Variants in ANOS1 observed in about 807,000 individuals in gnomAD.
ANOS1 encodes anosmin 1.
ANOS1 carries 6 observed loss-of-function variants against 59.0 expected under a neutral mutation model. The ratio of observed to expected loss-of-function variants is 0.10; its 90% CI spans 0.06 to 0.20. The LOEUF is 0.20. Among genes scored for constraint, ANOS1 ranks in the 10% least tolerant of loss-of-function variants. The pLI, the probability that ANOS1 is intolerant of heterozygous loss-of-function variation, is 1.00. For synonymous variants in ANOS1, 217 were observed against 223.4 expected (o/e 0.97, Z 0.25); for missense variants, 433 against 542.3 (o/e 0.80, Z 2.00).
intron 2 of ANOS1, among the ~76,000 whole-genome samples, chrX:8,634,251 T>C (rs757417120): frequency 4.5e-5 from 5 of 110,614 alleles, no homozygotes; most frequent in East Asian, 5.7e-4. Flanking sequence ...TGATTATAAG[T>C]GTATGTGTGT....
chrX:8,670,754 G>A (rs1932241483), intron 2 of ANOS1, among the ~76,000 whole-genome samples: 1 of 111,313 alleles, frequency 9.0e-6, no homozygotes, highest in Non-Finnish European at 1.9e-5. Flanking sequence ...AATCTCACAG[G>A]CTTAAACTTA....
chrX:8,673,297 T>G (rs1056347809), intron 2 of ANOS1, among the ~76,000 whole-genome samples: 4 of 106,920 alleles, frequency 3.7e-5, no homozygotes, highest in Admixed American at 1.1e-4. Flanking sequence ...GCTATTTTCT[T>G]TGCTTACTGA....
At chrX:8,619,412 T>G (rs1255329046) in intron 3 of ANOS1, among the ~76,000 whole-genome samples, 1 of 111,322 alleles carries the variant, frequency 9.0e-6, no homozygotes, top group Non-Finnish European at 1.9e-5. Flanking sequence ...GAGACCATCC[T>G]GGCCAACATG....
chrX:8,635,895 G>A (rs185520890), intron 2 of ANOS1, among the ~76,000 whole-genome samples: 65 of 111,463 alleles, frequency 5.8e-4, no homozygotes, highest in East Asian at 2.5e-3. Context: ...CTGAATTAAC[G>A]GGATCCATGT....
intron 1 of ANOS1, among the ~76,000 whole-genome samples, chrX:8,711,565 C>G: frequency 8.9e-6 from 1 of 112,413 alleles, no homozygotes; most frequent in Non-Finnish European, 1.9e-5. Context: ...CACCTGTGAC[C>G]ATCCAAGGTC....
At chrX:8,599,502 CT>C (rs1930803499) in intron 3 of ANOS1, among the ~76,000 whole-genome samples, 1 of 111,693 alleles carries the variant, frequency 9.0e-6, no homozygotes, top group Non-Finnish European at 1.9e-5. Context: ...CTGCCTGCTG[CT>C]CCTCCCTGAT....
At chrX:8,675,021 G>A (rs1932314541) in intron 2 of ANOS1, among the ~76,000 whole-genome samples, 1 of 111,485 alleles carries the variant, frequency 9.0e-6, no homozygotes, top group East Asian at 2.8e-4. Context: ...CATTTCCACA[G>A]CCCACTTTTG....
intron 9 of ANOS1, among the ~76,000 whole-genome samples, chrX:8,541,187 T>TG (rs1483073836): frequency 1.9e-5 from 2 of 105,357 alleles, no homozygotes; most frequent in Non-Finnish European, 1.9e-5. Context: ...GGCAGATCAC[T>TG]AGGTCAGGAG....
chrX:8,722,574 T>TACACACAC (rs774803381), intron 1 of ANOS1, among the ~76,000 whole-genome samples: 2 of 102,138 alleles, frequency 2.0e-5, no homozygotes, highest in African/African-American at 7.5e-5. Context: ...ATTATGTGTG[T>TACACACAC]ACACACACAC....
intron 8 of ANOS1, among the ~76,000 whole-genome samples, chrX:8,566,891 A>G (rs1244463739): frequency 1.8e-5 from 2 of 111,841 alleles, no homozygotes; most frequent in Non-Finnish European, 3.8e-5. Context: ...CAGGACCAGC[A>G]TTGCCTTTCC....
At chrX:8,626,171 A>G (rs1274913047) in intron 2 of ANOS1, among the ~76,000 whole-genome samples, 1 of 108,063 alleles carries the variant, frequency 9.3e-6, no homozygotes, top group Non-Finnish European at 1.9e-5. Flanking sequence ...TGCATTTAAC[A>G]GTGTCTTTAT....
chrX:8,667,832 T>G lies in ANOS1; in HGVS notation c.255+31866A>C, dbSNP rs73475387. Among the ~76,000 whole-genome samples the G allele has an allele frequency of 5.5e-3, 606 of 110,810 alleles. 7 individuals carry two copies. The highest frequency in any genetic ancestry group is 0.019 in the African/African-American group (574 of 30,434). Reference sequence around the variant, plus strand: ...TGGCCGAGAAGGGTAAGAGTATGGCTGTGGAGGATTAGGAGAGTGGGGGAG... The same window carrying G: ...TGGCCGAGAAGGGTAAGAGTATGGCGGTGGAGGATTAGGAGAGTGGGGGAG... On this transcript the variant is annotated intron_variant, in intron 2 of 13. Coordinates refer to ENST00000262648, the MANE Select transcript of ANOS1 (RefSeq NM_000216.4).
chrX:8,717,720 T>G (rs1932850062), intron 1 of ANOS1, among the ~76,000 whole-genome samples: 1 of 111,735 alleles, frequency 8.9e-6, no homozygotes, highest in Non-Finnish European at 1.9e-5. Context: ...CTCAAAGATA[T>G]GATGGGCTGA....
intron 3 of ANOS1, among the ~76,000 whole-genome samples, chrX:8,607,596 C>G (rs1930964456): frequency 9.0e-6 from 1 of 111,341 alleles, no homozygotes; most frequent in African/African-American, 3.3e-5. Flanking sequence ...ATAAATAGCT[C>G]GAGAAGTTCA....
At chrX:8,662,245 G>A (rs1408023737) in intron 2 of ANOS1, among the ~76,000 whole-genome samples, 2 of 111,675 alleles carry the variant, frequency 1.8e-5, no homozygotes, top group Non-Finnish European at 1.9e-5. Context: ...TCAAGGGTGA[G>A]CAAATTACAG....
intron 2 of ANOS1, among the ~76,000 whole-genome samples, chrX:8,688,585 GACTT>G (rs1436920440): frequency 3.6e-5 from 4 of 112,407 alleles, no homozygotes; most frequent in Non-Finnish European, 7.5e-5. Flanking sequence ...ATTAGGGAAA[GACTT>G]ACACGGAGGT....
chrX:8,664,223 C>A (rs1235360570), intron 2 of ANOS1, among the ~76,000 whole-genome samples: 1 of 112,027 alleles, frequency 8.9e-6, no homozygotes, highest in Non-Finnish European at 1.9e-5. Context: ...TGGAGTCTCA[C>A]TCTGTCGCCC....
intron 6 of ANOS1, among the ~76,000 whole-genome samples, chrX:8,582,188 G>C (rs113937244): frequency 0.051 from 5,720 of 112,619 alleles, 321 homozygotes; most frequent in African/African-American, 0.16. Context: ...AGGGTAGACA[G>C]TCATAACAGA....
intron 4 of ANOS1, among the ~76,000 whole-genome samples, chrX:8,594,766 AT>A (rs1239308066): frequency 0.059 from 3,978 of 67,915 alleles, 150 homozygotes; most frequent in Non-Finnish European, 0.083. Context: ...ATATATATAT[AT>A]TTTTTTTTTG....
Sources: allele counts gnomAD v4.1 joint callset (sites outside exome capture counted in the v4.1 genomes callset), GRCh38; gene constraint gnomAD v4.1.1; transcripts MANE v1.5; gene names NCBI Gene and HGNC (gene_info 2026-07-23, HGNC 2026-07-21).